FREM1: variants seen among roughly 807,000 people sequenced by gnomAD.
FREM1 encodes FRAS1 related extracellular matrix 1.
In FREM1, 220 loss-of-function variants were observed where a neutral mutation model predicts 210.1. The observed-to-expected ratio is 1.05, with a 90% CI of 0.94 to 1.17. The LOEUF is 1.17. Among genes scored for constraint, FREM1 ranks in the 50% most tolerant of loss-of-function variants. FREM1 has a pLI of 0.00. For missense variants in FREM1, 3,454 were observed against 2,675.5 expected (o/e 1.29, Z -6.42); for synonymous variants, 1,189 against 980.2 (o/e 1.21, Z -3.98).
intron 2 of FREM1, among the ~76,000 whole-genome samples, chr9:14,867,254 G>A (rs1588477389): frequency 6.6e-6 from 1 of 152,124 alleles, no homozygotes; most frequent in Non-Finnish European, 1.5e-5. Flanking sequence ...GTAGCACATT[G>A]GGGTTCTAGT....
chr9:14,800,405 T>A (rs1003317742), intron 20 of FREM1, among the ~76,000 whole-genome samples: 7 of 152,216 alleles, frequency 4.6e-5, no homozygotes, highest in African/African-American at 1.7e-4. Context: ...TTTTTAAAAG[T>A]ATTTTCATAT....
At position 14,770,616 on chromosome 9, in the gene FREM1, T is replaced by C; in HGVS notation, c.5048A>G (p.Asn1683Ser). ...AAGGAGGCCAGTACCTGTTGTTGTG[T>C]TCTCCAGATGTCCATGTTTTGGGCC... ...LQGPKHGHLE[N>S]TTTGEFIHEK... Residue 1683 changes from asparagine to serine, a missense_variant, in exon 26 of 37, where the codon AAC (asparagine) becomes AGC (serine). Physicochemically the swap from Asn to Ser is conservative, Grantham distance 46 (BLOSUM62 1). Coordinates refer to ENST00000380880, the MANE Select transcript of FREM1 (RefSeq NM_001379081.2). The C allele has an allele frequency of 5.6e-6, 9 of 1,612,214 alleles. No individual in the cohort carries two copies. Among genetic ancestry groups the C allele is most frequent in the Non-Finnish European group, 5.9e-6 (7 of 1,178,606 alleles).
chr9:14,876,087 TG>T (rs936126495), intron 1 of FREM1, among the ~76,000 whole-genome samples: 9 of 151,938 alleles, frequency 5.9e-5, no homozygotes, highest in Non-Finnish European at 1.3e-4. Flanking sequence ...CTGCCCCTAC[TG>T]GGGGGTGCCT....
At chr9:14,909,039 G>C (rs939045393) in intron 1 of FREM1, among the ~76,000 whole-genome samples, 1 of 152,116 alleles carries the variant, frequency 6.6e-6, no homozygotes, top group African/African-American at 2.4e-5. Flanking sequence ...AACCTGAAGA[G>C]CATTCGAATC....
chr9:14,842,414 G>C lies in FREM1; in HGVS notation c.1640C>G (p.Ala547Gly), dbSNP rs201056172. 619 of 1,613,810 alleles carry C rather than the reference G, an allele frequency of 3.8e-4. 1 individual carries two copies. The highest frequency in any genetic ancestry group is 4.8e-4 in the Non-Finnish European group (562 of 1,179,808). Residue 547 changes from alanine (A) to glycine (G), a missense_variant, in exon 9 of 37, where the codon GCT (alanine) becomes GGT (glycine). By Grantham distance (60) the Ala-to-Gly change is moderately conservative. Coordinates refer to ENST00000380880, the MANE Select transcript of FREM1 (RefSeq NM_001379081.2). ...GTCATCACTGGCGTCCACATCTGAA[G>C]CTCGCAGCATGGATCCCTGGATCAG... ...TILIQGSMLR[A>G]SDVDASDDYI...
At position 14,851,601 on chromosome 9, in the gene FREM1, T is replaced by A; in HGVS notation, c.835A>T (p.Ser279Cys). 1 of 1,612,060 alleles carries A rather than the reference T, an allele frequency of 6.2e-7. No homozygotes were observed. The highest frequency in any genetic ancestry group is 8.5e-7 in the Non-Finnish European group (1 of 1,178,124). The change falls in exon 6 of 37, where the codon AGT becomes TGT. Residue 279 changes from serine (S) to cysteine (C), a missense_variant. Transcript: ENST00000380880. ...CTGATATAGACAGGCAGCCACGCAC[T>A]CTCTGACTTTTGAAGGATAGAGAAA... is the stretch of plus-strand genomic sequence containing the variant. ...TRSKIVYKSE[S>C]AWLPVYIRAG...
At chr9:14,848,879 G>T in intron 6 of FREM1, 106 bp from the exon 7 acceptor site, 2 of 567,608 alleles carry the variant, frequency 3.5e-6, no homozygotes, top group Non-Finnish European at 3.2e-6. Flanking sequence ...TTTCTGCGGG[G>T]ATTCACATTT....
intron 27 of FREM1, among the ~76,000 whole-genome samples, chr9:14,767,225 A>G (rs144420446): frequency 7.9e-5 from 12 of 152,318 alleles, no homozygotes; most frequent in African/African-American, 2.9e-4. Flanking sequence ...AGTGCACACT[A>G]ATATAGAGAT....
At position 14,802,218 on chromosome 9, in the gene FREM1, G is replaced by C. The variant is rs140774944; in HGVS notation, c.3472-344C>G. Among the ~76,000 whole-genome samples the C allele has an allele frequency of 4.9e-3, 744 of 152,308 alleles. 6 individuals carry two copies. Among genetic ancestry groups the C allele is most frequent in the African/African-American group, 0.017 (716 of 41,574 alleles). Reference sequence around the variant, plus strand: ...TTTGCTTTCAAGAAGTCATGGAAAAGTTCAGTTGTAAAACTGAATCTAGAA... The same window carrying C: ...TTTGCTTTCAAGAAGTCATGGAAAACTTCAGTTGTAAAACTGAATCTAGAA... On this transcript the variant is annotated intron_variant, in intron 19 of 36. Coordinates refer to ENST00000380880, the MANE Select transcript of FREM1 (RefSeq NM_001379081.2).
Position 14,754,430 on chromosome 9 carries a change from G to C in FREM1, c.5407+1944C>G, listed in dbSNP as rs16932258. On this transcript the variant is annotated intron_variant, in intron 29 of 36. Transcript: ENST00000380880. Reference sequence around the variant, plus strand: ...AGAATGTTAACTATCACAGGAAGGAGGCCAAAAACAAAATACAGATTTTTG... The same window carrying C: ...AGAATGTTAACTATCACAGGAAGGACGCCAAAAACAAAATACAGATTTTTG... 9.9e-3 allele frequency among the ~76,000 whole-genome samples: 1,504 copies of C among 152,250 alleles called. 27 individuals are homozygous for C. The highest frequency in any genetic ancestry group is 0.055 in the East Asian group (285 of 5,176).
At chr9:14,829,709 G>A (rs1203927059) in intron 10 of FREM1, among the ~76,000 whole-genome samples, 1 of 152,082 alleles carries the variant, frequency 6.6e-6, no homozygotes, top group Non-Finnish European at 1.5e-5. Flanking sequence ...AATTTCTATT[G>A]TTTATAAATT....
intron 22 of FREM1, among the ~76,000 whole-genome samples, chr9:14,792,272 G>GCACACACACACACACACACA (rs34037291): frequency 3.5e-5 from 5 of 142,242 alleles, no homozygotes; most frequent in African/African-American, 1.3e-4. Context: ...ACACACACAC[G>GCACACACACACACACACACA]CACACACACA....
At chr9:14,868,661 C>T in intron 2 of FREM1, 83 bp downstream of exon 2, 2 of 882,014 alleles carry the variant, frequency 2.3e-6, no homozygotes, top group Non-Finnish European at 3.7e-6. Flanking sequence ...AGACATTTTA[C>T]ATCTGTTCTC....
intron 2 of FREM1, among the ~76,000 whole-genome samples, chr9:14,867,671 C>T (rs569965095): frequency 4.8e-4 from 73 of 152,268 alleles, no homozygotes; most frequent in Admixed American, 2.4e-3. Flanking sequence ...TACCACTTTT[C>T]AATAACCTCG....
chr9:14,775,515 G>T (rs1673616369), intron 25 of FREM1, among the ~76,000 whole-genome samples: 2 of 152,002 alleles, frequency 1.3e-5, no homozygotes, highest in Admixed American at 6.6e-5. Context: ...CCACCAGCCT[G>T]ACTGACATGG....
At chr9:14,780,539 G>A (rs991022824) in intron 24 of FREM1, among the ~76,000 whole-genome samples, 2 of 151,788 alleles carry the variant, frequency 1.3e-5, no homozygotes, top group African/African-American at 2.4e-5. Context: ...TAATCACTCG[G>A]TGTCATCTGT....
chr9:14,858,632 T>C (rs1829244172), intron 4 of FREM1, among the ~76,000 whole-genome samples: 1 of 152,212 alleles, frequency 6.6e-6, no homozygotes, highest in Non-Finnish European at 1.5e-5. Flanking sequence ...TTATATTTCT[T>C]GGCTTCTCAT....
chr9:14,751,313 C>G (rs1843338209), intron 29 of FREM1, among the ~76,000 whole-genome samples: 1 of 152,160 alleles, frequency 6.6e-6, no homozygotes, highest in Admixed American at 6.5e-5. Flanking sequence ...TTAAGCCCCT[C>G]TATATGATAC....
At chr9:14,824,681 C>G in intron 11 of FREM1, 115 bp downstream of exon 11, 1 of 698,118 alleles carries the variant, frequency 1.4e-6, no homozygotes, top group East Asian at 2.9e-5. Context: ...TAATTTCATG[C>G]CTGACCAATG....
Sources: allele counts gnomAD v4.1 joint callset (sites outside exome capture counted in the v4.1 genomes callset), GRCh38; gene constraint gnomAD v4.1.1; transcripts MANE v1.5; gene names NCBI Gene and HGNC (gene_info 2026-07-23, HGNC 2026-07-21).